CTTNBP2NL: variants seen among roughly 807,000 people sequenced by gnomAD.
The protein encoded by CTTNBP2NL is CTTNBP2 N-terminal-like protein.
A neutral mutation model predicts 32.5 loss-of-function variants in CTTNBP2NL; 16 were observed. The ratio of observed to expected loss-of-function variants is 0.49; its 90% CI spans 0.33 to 0.75. The LOEUF (loss-of-function observed/expected upper bound fraction) is 0.75. CTTNBP2NL is among the 30% of genes least tolerant of loss of function. The pLI is 0.02. For synonymous variants in CTTNBP2NL, 298 were observed against 289.4 expected, an observed-to-expected ratio of 1.03 and a Z score of -0.30; for missense variants, 645 against 756.0, an observed-to-expected ratio of 0.85 and a Z score of 1.72.
rs973043168 is a variant in CTTNBP2NL, at chr1:112,461,131, A to G, written c.*3719A>G. On this transcript the variant is annotated 3_prime_UTR_variant, in exon 6 of 6. Coordinates refer to ENST00000271277, the MANE Select transcript of CTTNBP2NL (RefSeq NM_018704.3). ...CCCACCATTTGTGTATCAGTGGCCA[A>G]TTCATTAGTAAAAATAAAGGAGGGG... is the stretch of plus-strand genomic sequence containing the variant. 4 of 152,218 alleles carry G rather than the reference A, an allele frequency of 2.6e-5. No individual in the cohort carries two copies. The highest frequency in any genetic ancestry group is 2.0e-4 in the Admixed American group (3 of 15,288). The allele number at this position is 152,218 out of a possible 1,614,324, so 9.4% of individuals were successfully genotyped here. A position where few individuals can be genotyped will look rare whatever the true frequency, so the allele number is the denominator to read the frequency against.
At chr1:112,415,755 CCA>C (rs2101001940) in intron 2 of CTTNBP2NL, 1 of 210,206 alleles carries the variant, frequency 4.8e-6, no homozygotes, top group South Asian at 7.2e-5. Context: ...CAGGGTTTTA[CCA>C]TGTTGGCCGG....
chr1:112,409,355 C>T (rs562839753), intron 1 of CTTNBP2NL, among the ~76,000 whole-genome samples: 101 of 152,030 alleles, frequency 6.6e-4, no homozygotes, highest in African/African-American at 2.4e-3. Context: ...TTTTATCCAG[C>T]GTTGCAAGAA....
intron 3 of CTTNBP2NL, among the ~76,000 whole-genome samples, chr1:112,447,185 A>G (rs1363314227): frequency 6.6e-6 from 1 of 150,534 alleles, no homozygotes; most frequent in African/African-American, 2.4e-5. Context: ...GAGGCAGGAG[A>G]ATGGCGTGAA....
intron 3 of CTTNBP2NL, among the ~76,000 whole-genome samples, chr1:112,435,851 G>A (rs192686209): frequency 6.6e-6 from 1 of 152,198 alleles, no homozygotes; most frequent in African/African-American, 2.4e-5. Flanking sequence ...TCCCTGACTG[G>A]TCAGTAAGGG....
At chr1:112,394,099 G>A (rs1648250383), upstream of CTTNBP2NL, among the ~76,000 whole-genome samples, 3 of 151,850 alleles carry the variant, frequency 2.0e-5, no homozygotes, top group Non-Finnish European at 1.5e-5. Context: ...CCAGCTACTC[G>A]GAAAGCTGAG....
intron 2 of CTTNBP2NL, among the ~76,000 whole-genome samples, chr1:112,415,217 A>C (rs1306771166): frequency 6.6e-6 from 1 of 152,274 alleles, no homozygotes; most frequent in East Asian, 1.9e-4. Context: ...AAGATGTTTA[A>C]ACCCTATACT....
upstream of CTTNBP2NL, among the ~76,000 whole-genome samples, chr1:112,394,219 A>AG (rs921340007): frequency 3.3e-5 from 5 of 151,890 alleles, no homozygotes; most frequent in African/African-American, 1.2e-4. Context: ...AAAAAAAAAA[A>AG]AAAAGAAAAG....
intron 1 of CTTNBP2NL, among the ~76,000 whole-genome samples, chr1:112,400,528 C>A (rs1648467136): frequency 6.6e-6 from 1 of 152,134 alleles, no homozygotes. Flanking sequence ...GGTGCAGTGG[C>A]TCACCTGTAA....
At chr1:112,416,733 C>A (rs564366450) in intron 3 of CTTNBP2NL, among the ~76,000 whole-genome samples, 1 of 152,022 alleles carries the variant, frequency 6.6e-6, no homozygotes, top group African/African-American at 2.4e-5. Flanking sequence ...CCTGGTGATC[C>A]GCCCCCGCTT....
intron 3 of CTTNBP2NL, among the ~76,000 whole-genome samples, chr1:112,426,725 GC>G (rs1031913388): frequency 1.8e-4 from 27 of 150,532 alleles, no homozygotes; most frequent in African/African-American, 6.1e-4. Context: ...TCCTGCCTCA[GC>G]CTCCTGAGTA....
rs992536104 is a variant in CTTNBP2NL at position 112,412,182 on chromosome 1, C to T, written c.-133-12C>T. 6.6e-6 allele frequency: 1 copy of T among 152,174 alleles called. No individual in the cohort carries two copies. Among genetic ancestry groups the T allele is most frequent in the African/African-American group, 2.4e-5 (1 of 41,428 alleles). The allele number at this position is 152,174 out of a possible 1,614,324, so 9.4% of individuals were successfully genotyped here. On this transcript the variant is annotated splice_polypyrimidine_tract_variant and intron_variant, in intron 1 of 5. Coordinates refer to ENST00000271277, the MANE Select transcript of CTTNBP2NL (RefSeq NM_018704.3). The stretch of plus-strand genomic sequence containing the variant: ...TAATCACATGAACAATAAATTTCTC[C>T]TTATTTTGCAGCATTGGACACATTT...
At chr1:112,412,639 C>T (rs1648908031) in intron 2 of CTTNBP2NL, among the ~76,000 whole-genome samples, 1 of 106,966 alleles carries the variant, frequency 9.3e-6, no homozygotes, top group Non-Finnish European at 1.7e-5. Flanking sequence ...TTTTTTGACA[C>T]AGAGTCTCAC....
At chr1:112,448,457 A>T (rs1650119263) in intron 3 of CTTNBP2NL, among the ~76,000 whole-genome samples, 1 of 152,254 alleles carries the variant, frequency 6.6e-6, no homozygotes, top group Non-Finnish European at 1.5e-5. Flanking sequence ...AACATGTTTT[A>T]GAAATGCTAG....
intron 3 of CTTNBP2NL, among the ~76,000 whole-genome samples, chr1:112,416,667 A>G (rs914060067): frequency 2.0e-5 from 3 of 151,792 alleles, no homozygotes; most frequent in Non-Finnish European, 4.4e-5. Context: ...TAATTTTTGT[A>G]TTTTTAGTAG....
rs983879210 is a variant in CTTNBP2NL, at chr1:112,418,978, C to G, written c.99+2714C>G. On this transcript the variant is annotated intron_variant, in intron 3 of 5. Transcript: ENST00000271277. ...GCTTCTGTGACTAAATAGAATCCAC[C>G]TTGCATTTATTGGTATTGCTTTATT... Among the ~76,000 whole-genome samples, 5 of 152,224 alleles carry G rather than the reference C, an allele frequency of 3.3e-5. No individual in the cohort carries two copies. The East Asian group carries it at 9.6e-4, about 29-fold the overall frequency.
chr1:112,434,860 A>T (rs1288805707), intron 3 of CTTNBP2NL, among the ~76,000 whole-genome samples: 1 of 152,136 alleles, frequency 6.6e-6, no homozygotes, highest in Non-Finnish European at 1.5e-5. Context: ...AAGTATGTCC[A>T]GGCTGGGTGC....
chr1:112,423,946 C>T (rs191117839), intron 3 of CTTNBP2NL, among the ~76,000 whole-genome samples: 1 of 152,322 alleles, frequency 6.6e-6, no homozygotes, highest in Admixed American at 6.5e-5. Flanking sequence ...TGGTCTTGGA[C>T]TCCTGACCTC....
chr1:112,397,255 C>T (rs1648358586), intron 1 of CTTNBP2NL, among the ~76,000 whole-genome samples: 1 of 152,146 alleles, frequency 6.6e-6, no homozygotes, highest in South Asian at 2.1e-4. Context: ...ATATCCCAGT[C>T]TAGGGTGGGC....
At chr1:112,445,405 A>T (rs181233438) in intron 3 of CTTNBP2NL, among the ~76,000 whole-genome samples, 1 of 152,074 alleles carries the variant, frequency 6.6e-6, no homozygotes, top group Non-Finnish European at 1.5e-5. Context: ...TATTATTTAT[A>T]CTGTTAAACC....
Sources: gnomAD v4.1 joint callset for allele counts (sites outside exome capture counted in the v4.1 genomes callset) on GRCh38, gnomAD v4.1.1 for gene constraint, MANE v1.5 for transcripts, NCBI Gene and HGNC (gene_info 2026-07-23, HGNC 2026-07-21) for gene names.